Variants in SULF2 observed in about 807,000 individuals in gnomAD.
The protein encoded by SULF2 is sulfatase 2.
In SULF2, 52 loss-of-function variants were observed where a neutral mutation model predicts 107.7. The observed-to-expected ratio is 0.48, with a 90% confidence interval of 0.39 to 0.61. The LOEUF (loss-of-function observed/expected upper bound fraction) is 0.61. Among genes scored for constraint, SULF2 ranks in the 20% least tolerant of loss-of-function variants. The pLI is 0.00. For synonymous variants in SULF2, 460 were observed against 464.3 expected (o/e 0.99, Z 0.12); for missense variants, 993 against 1,177.3 (o/e 0.84, Z 2.29).
At chr20:47,711,089 G>T (rs1303774048) in intron 3 of SULF2, among the ~76,000 whole-genome samples, 1 of 152,190 alleles carries the variant, frequency 6.6e-6, no homozygotes, top group Non-Finnish European at 1.5e-5. Flanking sequence ...CACGGACAAT[G>T]GGGGAGACAG....
intron 3 of SULF2, among the ~76,000 whole-genome samples, chr20:47,703,575 G>A (rs150379640): frequency 0.013 from 1,960 of 152,282 alleles, 43 homozygotes; most frequent in African/African-American, 0.045. Flanking sequence ...TGCCCCAACC[G>A]GTCCAACCAC....
In SULF2 at chr20:47,714,075, G is replaced by C. The variant is rs145708829; in HGVS notation, c.416-11405C>G. ...AGTGTTTGCCAAAGCAATTCAGAGA[G>C]GTCGGCGAAAGATGAAGCAGAAGCC... On this transcript the variant is annotated intron_variant, in intron 3 of 20. Transcript: ENST00000688720. 6.5e-3 allele frequency among the ~76,000 whole-genome samples: 985 copies of C among 152,314 alleles called. 14 individuals carry two copies. The highest frequency in any genetic ancestry group is 0.023 in the African/African-American group (954 of 41,564).
intron 2 of SULF2, among the ~76,000 whole-genome samples, chr20:47,752,806 A>T (rs1283945117): frequency 3.3e-5 from 5 of 152,056 alleles, no homozygotes; most frequent in East Asian, 3.9e-4. Context: ...AATTCTTTTG[A>T]AATGCAAACA....
rs200110959 is a variant in SULF2, at chr20:47,780,018, T to TA, written c.-101+5324_-101+5325insT. On this transcript the variant is annotated intron_variant, in intron 1 of 20. Coordinates refer to ENST00000688720, the MANE Select transcript of SULF2 (RefSeq NM_001387048.1). ...CCTGACCCTCTACCCTAGTTGACTT[T>TA]TTTTTTTTTTTTTTTTGAGACAGAG... Among the ~76,000 whole-genome samples the TA allele has an allele frequency of 7.5e-3, 1,097 of 145,370 alleles. 15 individuals carry two copies. The highest frequency in any genetic ancestry group is 0.028 in the African/African-American group (1,053 of 37,624).
At chr20:47,770,643 A>G (rs901670729) in intron 1 of SULF2, among the ~76,000 whole-genome samples, 7 of 152,338 alleles carry the variant, frequency 4.6e-5, no homozygotes, top group African/African-American at 1.7e-4. Context: ...CTGATCAGGA[A>G]CTTGCGCAGG....
At chr20:47,713,341 T>TC (rs145323093) in intron 3 of SULF2, among the ~76,000 whole-genome samples, 9,130 of 151,870 alleles carry the variant, frequency 0.06, 362 homozygotes, top group South Asian at 0.12. Flanking sequence ...ATGGCCCTCC[T>TC]CCCCCCGTAA....
chr20:47,769,824 T>G (rs1183787047), intron 1 of SULF2, among the ~76,000 whole-genome samples: 1 of 151,940 alleles, frequency 6.6e-6, no homozygotes, highest in Non-Finnish European at 1.5e-5. Context: ...ATAGGTTGGG[T>G]AGCGAAGGCC....
chr20:47,669,083 G>A (rs773077740), intron 11 of SULF2, among the ~76,000 whole-genome samples: 26 of 152,226 alleles, frequency 1.7e-4, no homozygotes, highest in Non-Finnish European at 3.7e-4. Flanking sequence ...ACCAGCGGAA[G>A]TGGCCCTTTG....
intron 7 of SULF2, 77 bp downstream of exon 7, chr20:47,682,917 T>G: frequency 7.1e-7 from 1 of 1,415,534 alleles, no homozygotes; most frequent in Non-Finnish European, 9.5e-7. Flanking sequence ...AGGGTGGGCT[T>G]GGGTTTGGGC....
Position 47,662,973 on chromosome 20 carries a change from G to C in SULF2, c.2370+97C>G, listed in dbSNP as rs2087132689. ...CCGGCTCAGGGACTCAGTGGGACTTGGACAATTTGTCATCACTTCCCTGAG... is the reference window on the plus strand; with the variant it reads ...CCGGCTCAGGGACTCAGTGGGACTTCGACAATTTGTCATCACTTCCCTGAG... On this transcript the variant is annotated intron_variant, in intron 17 of 20. Transcript: ENST00000688720. The C allele has an allele frequency of 4.6e-5, 65 of 1,406,630 alleles. No individual in the cohort carries two copies. In the South Asian group the frequency reaches 7.9e-4, roughly 17 times the overall value. 87.1% of individuals were successfully genotyped at this position (1,406,630 alleles called of 1,614,324 possible).
At chr20:47,756,128 G>A (rs2090276656) in intron 2 of SULF2, among the ~76,000 whole-genome samples, 1 of 152,174 alleles carries the variant, frequency 6.6e-6, no homozygotes, top group African/African-American at 2.4e-5. Flanking sequence ...ACAGCGTCGG[G>A]GCTACACAAT....
At chr20:47,746,749 A>G (rs1241660450) in intron 2 of SULF2, among the ~76,000 whole-genome samples, 1 of 150,072 alleles carries the variant, frequency 6.7e-6, no homozygotes, top group Non-Finnish European at 1.5e-5. Flanking sequence ...AAGACCAAAC[A>G]CTGCACGTTC....
At chr20:47,711,909 A>G (rs2088943209) in intron 3 of SULF2, among the ~76,000 whole-genome samples, 1 of 152,260 alleles carries the variant, frequency 6.6e-6, no homozygotes, top group South Asian at 2.1e-4. Context: ...ACACATATGC[A>G]TTAATATATG....
At chr20:47,671,430 G>C (rs1370359349) in intron 11 of SULF2, among the ~76,000 whole-genome samples, 1 of 151,808 alleles carries the variant, frequency 6.6e-6, no homozygotes, top group Non-Finnish European at 1.5e-5. Context: ...CACACCACAC[G>C]CCCAACTAAT....
At chr20:47,767,854 A>G (rs558090459) in intron 1 of SULF2, among the ~76,000 whole-genome samples, 38 of 150,954 alleles carry the variant, frequency 2.5e-4, no homozygotes, top group Non-Finnish European at 4.9e-4. Context: ...AGGAGAATTG[A>G]GCTGAGATCA....
At chr20:47,741,728 G>C (rs775523704) in intron 2 of SULF2, among the ~76,000 whole-genome samples, 1 of 152,168 alleles carries the variant, frequency 6.6e-6, no homozygotes, top group East Asian at 1.9e-4. Flanking sequence ...CTGGTAGTGA[G>C]AGCTCAGCCT....
At chr20:47,784,829 G>A (rs1293266978) in intron 1 of SULF2, among the ~76,000 whole-genome samples, 1 of 152,232 alleles carries the variant, frequency 6.6e-6, no homozygotes, top group Non-Finnish European at 1.5e-5. Flanking sequence ...GGCCTGGGAG[G>A]AAGTCTGCCT....
At chr20:47,717,877 G>C (rs1178989967) in intron 3 of SULF2, among the ~76,000 whole-genome samples, 1 of 149,898 alleles carries the variant, frequency 6.7e-6, no homozygotes, top group Non-Finnish European at 1.5e-5. Context: ...TCAGTGCTGC[G>C]ATCTCGGCTC....
chr20:47,764,475 G>T (rs144054971), intron 1 of SULF2, among the ~76,000 whole-genome samples: 3 of 152,302 alleles, frequency 2.0e-5, no homozygotes, highest in Non-Finnish European at 4.4e-5. Flanking sequence ...TTGACTGCAG[G>T]GCAGCGCATG....
Sources: gnomAD v4.1 joint callset for allele counts (sites outside exome capture counted in the v4.1 genomes callset) on GRCh38, gnomAD v4.1.1 for gene constraint, MANE v1.5 for transcripts, NCBI Gene and HGNC (gene_info 2026-07-23, HGNC 2026-07-21) for gene names.